Variants in DDX46 observed in about 807,000 individuals in gnomAD.
DDX46 encodes probable ATP-dependent RNA helicase DDX46.
Under a neutral mutation model 134.9 loss-of-function variants are expected in DDX46, and 30 were observed. The observed-to-expected ratio is 0.22, with a 90% CI of 0.17 to 0.30. The LOEUF (loss-of-function observed/expected upper bound fraction) is 0.30. Ranked by LOEUF, DDX46 falls within the 10% of genes least tolerant of loss-of-function variation. The pLI is 1.00. For synonymous variants in DDX46, 415 were observed against 404.1 expected, an observed-to-expected ratio of 1.03 and a Z score of -0.32; for missense variants, 622 against 1,248.7, an observed-to-expected ratio of 0.50 and a Z score of 7.56.
At chr5:134,812,695 G>T (rs959846178) in intron 18 of DDX46, among the ~76,000 whole-genome samples, 4 of 149,682 alleles carry the variant, frequency 2.7e-5, no homozygotes, top group African/African-American at 1.0e-4. Flanking sequence ...AGACTGCAGT[G>T]TCGTAATCTC....
At chr5:134,780,198 GTGTA>G (rs1174265628) in intron 6 of DDX46, among the ~76,000 whole-genome samples, 4 of 151,206 alleles carry the variant, frequency 2.6e-5, no homozygotes, top group Non-Finnish European at 5.9e-5. Flanking sequence ...ATATATGTAT[GTGTA>G]TGTGTATATG....
intron 12 of DDX46, 103 bp downstream of exon 12, chr5:134,788,694 T>A: frequency 9.4e-7 from 1 of 1,060,620 alleles, no homozygotes; most frequent in South Asian, 1.4e-5. Context: ...ATATTTCTTC[T>A]TAAAGCTGCA....
intron 2 of DDX46, among the ~76,000 whole-genome samples, chr5:134,766,469 G>A (rs567697559): frequency 2.6e-5 from 4 of 151,776 alleles, no homozygotes; most frequent in Admixed American, 6.6e-5. Context: ...CAAGAGAATC[G>A]CTTTAACCCA....
At chr5:134,760,854 C>G (rs1022564569) in intron 1 of DDX46, among the ~76,000 whole-genome samples, 2 of 152,104 alleles carry the variant, frequency 1.3e-5, no homozygotes. Flanking sequence ...CTCAGCCTCC[C>G]GAGTAGCTGG....
intron 17 of DDX46, 56 bp downstream of exon 17, chr5:134,811,414 A>G: frequency 1.9e-6 from 3 of 1,561,040 alleles, no homozygotes; most frequent in Non-Finnish European, 2.6e-6. Flanking sequence ...CTAAACCTTG[A>G]TTATTTAATT....
intron 21 of DDX46, among the ~76,000 whole-genome samples, chr5:134,821,733 T>G (rs1278419683): frequency 6.6e-6 from 1 of 151,240 alleles, no homozygotes; most frequent in African/African-American, 2.4e-5. Flanking sequence ...CTTTTTGTAT[T>G]TTTAGTAGAC....
At chr5:134,776,717 C>T (rs1343603857) in intron 5 of DDX46, among the ~76,000 whole-genome samples, 1 of 151,658 alleles carries the variant, frequency 6.6e-6, no homozygotes, top group African/African-American at 2.4e-5. Flanking sequence ...GAGTTCGAGA[C>T]CAGCCTGACA....
rs1210159188 is a variant in DDX46, at chr5:134,784,298, A to G, written c.1167-68A>G. ...TTTGGAAGTTCATTTTTATGGGAAC[A>G]CATAGGACCTGTCTGGGGCCCAGCA... On this transcript the variant is annotated intron_variant, in intron 9 of 22. Transcript: ENST00000452510. The G allele has an allele frequency of 2.2e-5, 33 of 1,490,848 alleles. No homozygotes were observed. The East Asian group carries it at 7.6e-4, about 34-fold the overall frequency. The allele number at this position is 1,490,848 out of a possible 1,614,324, so 92.4% of individuals were successfully genotyped here.
At chr5:134,764,913 CTCTT>C (rs1753516087) in intron 2 of DDX46, among the ~76,000 whole-genome samples, 1 of 151,562 alleles carries the variant, frequency 6.6e-6, no homozygotes, top group Non-Finnish European at 1.5e-5. Context: ...TTCTCTCTTT[CTCTT>C]TCTTTCTTCA....
Position 134,796,062 on chromosome 5 carries a change from C to T in DDX46, c.1866C>T (p.Val622=). 6.2e-7 allele frequency: 1 copy of T among 1,613,834 alleles called. No homozygotes were observed. Among genetic ancestry groups the T allele is most frequent in the Non-Finnish European group, 8.5e-7 (1 of 1,179,932 alleles). ...LLGHYQESGS[V]IIFVDKQEHA... is the part of the protein sequence containing the mutation. ...GCCATTATCAAGAGTCAGGATCTGT[C>T]ATTATATTTGTGGATAAGCAGGAAC... Residue 622 remains valine (V), a synonymous_variant, in exon 15 of 23, where the codon GTC becomes GTT. Coordinates refer to ENST00000452510, the MANE Select transcript of DDX46 (RefSeq NM_001300860.2).
At chr5:134,774,116 C>T (rs888820280) in intron 5 of DDX46, among the ~76,000 whole-genome samples, 5 of 152,158 alleles carry the variant, frequency 3.3e-5, no homozygotes, top group South Asian at 2.1e-4. Flanking sequence ...AACTCTATGA[C>T]GCCTTTTCTC....
rs779647346 is a variant in DDX46 at position 134,771,008 on chromosome 5, ATTAAC to A, written c.447+14_447+18del. On this transcript the variant is annotated intron_variant, in intron 4 of 22. Coordinates refer to ENST00000452510, the MANE Select transcript of DDX46 (RefSeq NM_001300860.2). ...AAGAAAAAGATGCTGGCGTATGTTTATTAACTTAAAAATAATTTTCTTTCTTTCTT... is the reference window on the plus strand; with the variant it reads ...AAGAAAAAGATGCTGGCGTATGTTTATTAAAAATAATTTTCTTTCTTTCTT... 16 of 1,057,630 alleles carry A rather than the reference ATTAAC, an allele frequency of 1.5e-5. No individual in the cohort carries two copies. The Admixed American group carries it at 2.5e-4, about 17-fold the overall frequency. The allele number at this position is 1,057,630 out of a possible 1,614,324, so 65.5% of individuals were successfully genotyped here.
chr5:134,797,907 C>T (rs1356944789), intron 15 of DDX46, among the ~76,000 whole-genome samples: 1 of 151,740 alleles, frequency 6.6e-6, no homozygotes, highest in African/African-American at 2.4e-5. Context: ...CCGCCTCCCA[C>T]GTTCAAGTGA....
intron 6 of DDX46, among the ~76,000 whole-genome samples, chr5:134,778,093 A>G (rs1044110818): frequency 7.2e-6 from 1 of 138,202 alleles, no homozygotes; most frequent in African/African-American, 2.8e-5. Context: ...ATCTTGGCTT[A>G]CTGCATCCTC....
chr5:134,819,676 A>T (rs537324356), intron 21 of DDX46, among the ~76,000 whole-genome samples: 7 of 150,638 alleles, frequency 4.6e-5, no homozygotes, highest in African/African-American at 1.5e-4. Context: ...GACTACAGGA[A>T]CATGCCACCA....
intron 15 of DDX46, among the ~76,000 whole-genome samples, chr5:134,805,865 A>C (rs1330986358): frequency 6.6e-6 from 1 of 152,152 alleles, no homozygotes; most frequent in Non-Finnish European, 1.5e-5. Flanking sequence ...TTAAGTATTG[A>C]TAGACAAGAC....
chr5:134,809,557 C>T (rs1424037860), intron 16 of DDX46, among the ~76,000 whole-genome samples: 1 of 151,788 alleles, frequency 6.6e-6, no homozygotes, highest in African/African-American at 2.4e-5. Flanking sequence ...TTAGTAGAGA[C>T]GGGGTTTCTA....
intron 15 of DDX46, among the ~76,000 whole-genome samples, chr5:134,805,384 T>C (rs1754954636): frequency 6.6e-6 from 1 of 152,100 alleles, no homozygotes; most frequent in Non-Finnish European, 1.5e-5. Context: ...ACTAGGCTGG[T>C]CTTGAAATCC....
chr5:134,775,694 AT>A (rs1370587178), intron 5 of DDX46, among the ~76,000 whole-genome samples: 1 of 152,110 alleles, frequency 6.6e-6, no homozygotes, highest in African/African-American at 2.4e-5. Context: ...GGGTTTCACT[AT>A]GTTGGCCAGG....
Sources: gnomAD v4.1 joint callset for allele counts (sites outside exome capture counted in the v4.1 genomes callset) on GRCh38, gnomAD v4.1.1 for gene constraint, MANE v1.5 for transcripts, NCBI Gene and HGNC (gene_info 2026-07-23, HGNC 2026-07-21) for gene names.